Variants in RANBP2 observed in about 807,000 individuals in gnomAD.
RANBP2 encodes E3 SUMO-protein ligase RanBP2.
Under a neutral mutation model 303.6 loss-of-function variants are expected in RANBP2, and 57 were observed. That is an observed-to-expected ratio of 0.19 (90% confidence interval 0.15 to 0.23). RANBP2 has a LOEUF of 0.23. Among genes scored for constraint, RANBP2 ranks in the 10% least tolerant of loss-of-function variants. RANBP2 has a pLI of 1.00. For synonymous variants in RANBP2, 1,167 were observed against 1,301.5 expected, an observed-to-expected ratio of 0.90 and a Z score of 2.23; for missense variants, 3,138 against 3,780.8, an observed-to-expected ratio of 0.83 and a Z score of 4.46.
At chr2:109,592,969 C>G in the RANBP2 span, 1 of 897,980 alleles carries the variant, frequency 1.1e-6, no homozygotes, top group South Asian at 2.7e-5. Flanking sequence ...TCACAAGAGT[C>G]TATAAGCACT....
the RANBP2 span, among the ~76,000 whole-genome samples, chr2:109,383,840 A>G: frequency 7.9e-5 from 12 of 152,282 alleles, no homozygotes; most frequent in African/African-American, 2.9e-4. Context: ...GTTTTCAGTG[A>G]TCAGTCCGTC....
the RANBP2 span, among the ~76,000 whole-genome samples, chr2:109,480,647 G>T: frequency 4.6e-5 from 7 of 152,118 alleles, no homozygotes; most frequent in Non-Finnish European, 7.4e-5. Flanking sequence ...GAGGAGGATG[G>T]AGACGAACAA....
the RANBP2 span, among the ~76,000 whole-genome samples, chr2:109,282,756 A>G: frequency 2.6e-5 from 4 of 152,198 alleles, no homozygotes; most frequent in Middle Eastern, 3.2e-3. Flanking sequence ...AGAACGGCCA[A>G]AGGAGAAAGC....
chr2:108,883,996 TG>T, the RANBP2 span: 1 of 152,252 alleles, frequency 6.6e-6, no homozygotes, highest in Non-Finnish European at 1.5e-5. Context: ...TGGCTCATTC[TG>T]GGCTCAAGCA....
the RANBP2 span, among the ~76,000 whole-genome samples, chr2:109,452,123 G>T: frequency 6.6e-6 from 1 of 152,180 alleles, no homozygotes; most frequent in African/African-American, 2.4e-5. Flanking sequence ...TTGCAGCAGG[G>T]CCCAAGGCAT....
At chr2:109,070,858 TA>T in the RANBP2 span, among the ~76,000 whole-genome samples, 88,533 of 136,990 alleles carry the variant, frequency 0.65, 28,821 homozygotes, top group East Asian at 0.86. Context: ...AGACCCTATC[TA>T]AAAAAAAAAA....
the RANBP2 span, among the ~76,000 whole-genome samples, chr2:108,889,244 T>G: frequency 6.6e-6 from 1 of 152,192 alleles, no homozygotes; most frequent in Non-Finnish European, 1.5e-5. Context: ...GAATGTTCCA[T>G]GTGCTGATGA....
At chr2:108,881,458 T>C in the RANBP2 span, among the ~76,000 whole-genome samples, 1 of 152,252 alleles carries the variant, frequency 6.6e-6, no homozygotes, top group African/African-American at 2.4e-5. Context: ...CTGTGTTTTC[T>C]TATCATTTGT....
At chr2:108,930,986 G>C in the RANBP2 span, 2 of 1,614,014 alleles carry the variant, frequency 1.2e-6, no homozygotes, top group South Asian at 1.1e-5. Flanking sequence ...GAGCCAGGGC[G>C]TCTGCGTGCA....
chr2:109,436,993 C>T, the RANBP2 span: 1 of 1,613,864 alleles, frequency 6.2e-7, no homozygotes, highest in Non-Finnish European at 8.5e-7. Flanking sequence ...CAGTGGGAGT[C>T]TGAGCAGCCT....
the RANBP2 span, among the ~76,000 whole-genome samples, chr2:109,115,433 T>C: frequency 6.6e-6 from 1 of 152,238 alleles, no homozygotes; most frequent in African/African-American, 2.4e-5. Context: ...GTCTGTTTTA[T>C]CAGATACTAG....
the RANBP2 span, among the ~76,000 whole-genome samples, chr2:109,219,960 A>G: frequency 6.6e-6 from 1 of 152,258 alleles, no homozygotes; most frequent in Non-Finnish European, 1.5e-5. Context: ...AGGGACCCCA[A>G]ATAACCAAAA....
At chr2:109,423,081 C>A in the RANBP2 span, among the ~76,000 whole-genome samples, 1 of 152,168 alleles carries the variant, frequency 6.6e-6, no homozygotes, top group Admixed American at 6.5e-5. Flanking sequence ...TCGATGGGTG[C>A]AGTTCATTAC....
the RANBP2 span, chr2:109,613,612 G>A: frequency 3.7e-5 from 12 of 328,754 alleles, no homozygotes; most frequent in African/African-American, 2.6e-4. Context: ...CCCAGGCTCC[G>A]CAGAGGCTCC....
chr2:109,580,875 C>T, the RANBP2 span, among the ~76,000 whole-genome samples: 20,500 of 152,154 alleles, frequency 0.13, 1,869 homozygotes, highest in African/African-American at 0.26. Context: ...GACAGCACAG[C>T]GCCTGGCCAT....
the RANBP2 span, among the ~76,000 whole-genome samples, chr2:109,550,013 T>C: frequency 6.6e-6 from 1 of 152,104 alleles, no homozygotes; most frequent in African/African-American, 2.4e-5. Flanking sequence ...CACATTCTCG[T>C]ACTCAAAGAT....
chr2:109,314,056 G>T, the RANBP2 span, among the ~76,000 whole-genome samples: 2 of 152,142 alleles, frequency 1.3e-5, no homozygotes, highest in African/African-American at 4.8e-5. Flanking sequence ...GGCTATGGGG[G>T]AAGAGAGGGG....
At chr2:109,338,718 C>T in the RANBP2 span, among the ~76,000 whole-genome samples, 3 of 152,230 alleles carry the variant, frequency 2.0e-5, no homozygotes, top group Admixed American at 1.3e-4. Context: ...CCACCACGCC[C>T]GACTAATTTG....
chr2:109,741,366 T>C, the RANBP2 span, among the ~76,000 whole-genome samples: 26,154 of 152,090 alleles, frequency 0.17, 2,997 homozygotes, highest in African/African-American at 0.32. Flanking sequence ...TTTATGATAG[T>C]TGTCAGCAAA....
Sources: allele counts gnomAD v4.1 joint callset (sites outside exome capture counted in the v4.1 genomes callset), GRCh38; gene constraint gnomAD v4.1.1; transcripts MANE v1.5; gene names NCBI Gene and HGNC (gene_info 2026-07-23, HGNC 2026-07-21).